WDR25: variants seen among roughly 807,000 people sequenced by gnomAD.
WDR25 encodes WD repeat domain 25.
WDR25 carries 35 observed loss-of-function variants against 47.7 expected under a neutral mutation model. The observed-to-expected ratio is 0.73, with a 90% CI of 0.56 to 0.97. WDR25 has a LOEUF of 0.97. Among genes scored for constraint, WDR25 ranks in the 50% least tolerant of loss-of-function variants. The pLI, the probability that WDR25 is intolerant of heterozygous loss-of-function variation, is 0.00. For synonymous variants in WDR25, 248 were observed against 278.9 expected (o/e 0.89, Z 1.10); for missense variants, 634 against 704.7 (o/e 0.90, Z 1.14).
intron 2 of WDR25, among the ~76,000 whole-genome samples, chr14:100,451,039 A>G (rs920329612): frequency 6.6e-6 from 1 of 152,176 alleles, no homozygotes; most frequent in African/African-American, 2.4e-5. Flanking sequence ...GGGAGACTAG[A>G]GGTGCCCAAG....
chr14:100,521,272 T>C (rs997374955), intron 4 of WDR25, among the ~76,000 whole-genome samples: 5 of 152,154 alleles, frequency 3.3e-5, no homozygotes, highest in Admixed American at 3.3e-4. Context: ...AAACCTAAAA[T>C]ATTTACTGAC....
chr14:100,508,655 T>C (rs1373402353), intron 4 of WDR25, among the ~76,000 whole-genome samples: 1 of 152,212 alleles, frequency 6.6e-6, no homozygotes, highest in Non-Finnish European at 1.5e-5. Flanking sequence ...TGAATAGAAA[T>C]TGTGAAAATG....
intron 2 of WDR25, among the ~76,000 whole-genome samples, chr14:100,417,534 G>T (rs1388803210): frequency 6.6e-6 from 1 of 152,158 alleles, no homozygotes; most frequent in Non-Finnish European, 1.5e-5. Flanking sequence ...TTCCCTGGTG[G>T]CTCCCCTTTC....
intron 2 of WDR25, among the ~76,000 whole-genome samples, chr14:100,438,159 T>C (rs1174816115): frequency 6.6e-6 from 1 of 152,244 alleles, no homozygotes; most frequent in East Asian, 1.9e-4. Flanking sequence ...CCAAGTCTTG[T>C]AATGAAGTGT....
chr14:100,519,211 G>A (rs573252689), intron 4 of WDR25, among the ~76,000 whole-genome samples: 11 of 151,486 alleles, frequency 7.3e-5, no homozygotes, highest in African/African-American at 2.4e-4. Context: ...TCAGGTAGTT[G>A]CTTTTAAAAT....
intron 4 of WDR25, among the ~76,000 whole-genome samples, chr14:100,497,356 G>T (rs1170250287): frequency 6.6e-6 from 1 of 152,078 alleles, no homozygotes; most frequent in Non-Finnish European, 1.5e-5. Flanking sequence ...GTGAATTTGT[G>T]TATTTTTCTC....
intron 4 of WDR25, among the ~76,000 whole-genome samples, chr14:100,501,625 G>C (rs766590512): frequency 6.6e-6 from 1 of 152,218 alleles, no homozygotes; most frequent in Non-Finnish European, 1.5e-5. Flanking sequence ...TGGACACTCA[G>C]GATGTGGGGG....
In WDR25 at chr14:100,491,272, C is replaced by T. The variant is rs1025310297; in HGVS notation, c.1101+7148C>T. Among the ~76,000 whole-genome samples the T allele has an allele frequency of 2.0e-5, 3 of 152,210 alleles. No individual in the cohort carries two copies. In the East Asian group the frequency reaches 5.8e-4, roughly 29 times the overall value. ...CAGTTACACACCACAAGCACACGGC[C>T]AGTTGGTAGTGGGGCAAGACTGTGA... On this transcript the variant is annotated intron_variant, in intron 4 of 6. Coordinates refer to ENST00000402312, the MANE Select transcript of WDR25 (RefSeq NM_001161476.3).
At chr14:100,480,293 A>C (rs1200656550) in intron 3 of WDR25, among the ~76,000 whole-genome samples, 1 of 152,256 alleles carries the variant, frequency 6.6e-6, no homozygotes, top group Non-Finnish European at 1.5e-5. Flanking sequence ...TTGTGCTGAC[A>C]CAAGAGTGAC....
intron 4 of WDR25, among the ~76,000 whole-genome samples, chr14:100,492,595 T>G (rs188503225): frequency 6.6e-6 from 1 of 152,364 alleles, no homozygotes; most frequent in East Asian, 1.9e-4. Flanking sequence ...TAATTCTAAT[T>G]TATAAATCTT....
rs1042156962 is a variant in WDR25 at position 100,498,922 on chromosome 14, G to A, written c.1101+14798G>A. On this transcript the variant is annotated intron_variant, in intron 4 of 6. Transcript: ENST00000402312. The surrounding 1 kb of genome is among the most constrained non-coding windows in gnomAD (Gnocchi z 4.2). Reference sequence around the variant, plus strand: ...CTTGGCCTGAGTGGGGCTGTGAGCCGATGAGAGGGCTTGTCGTGGGGTCCC... The same window carrying A: ...CTTGGCCTGAGTGGGGCTGTGAGCCAATGAGAGGGCTTGTCGTGGGGTCCC... 5.9e-5 allele frequency among the ~76,000 whole-genome samples: 9 copies of A among 152,188 alleles called. No homozygotes were observed. The highest frequency in any genetic ancestry group is 1.9e-4 in the East Asian group (1 of 5,192).
At chr14:100,476,474 A>T (rs948709584) in intron 3 of WDR25, 1 of 152,252 alleles carries the variant, frequency 6.6e-6, no homozygotes. Flanking sequence ...ACAAGCCAAC[A>T]GCATAAGCTT....
chr14:100,525,685 A>T lies in WDR25; in HGVS notation c.1102-185A>T, dbSNP rs901905309. On this transcript the variant is annotated intron_variant, in intron 4 of 6. Coordinates refer to ENST00000402312, the MANE Select transcript of WDR25 (RefSeq NM_001161476.3). This position sits in a 1 kb window ranked among gnomAD's most constrained non-coding sequence, Gnocchi z 4.6. ...GGGCTGAGAAGCTGACAGACACTGG[A>T]CTGGGCATGGGGCAGGAGGGTCCAT... Among the ~76,000 whole-genome samples the T allele has an allele frequency of 1.3e-5, 2 of 152,102 alleles. No individual in the cohort carries two copies. Among genetic ancestry groups the T allele is most frequent in the Non-Finnish European group, 2.9e-5 (2 of 68,014 alleles).
rs567379250 is a variant in WDR25, at chr14:100,497,741, T to A, written c.1101+13617T>A. On this transcript the variant is annotated intron_variant, in intron 4 of 6. Coordinates refer to ENST00000402312, the MANE Select transcript of WDR25 (RefSeq NM_001161476.3). ...CCCTTGAATTTCCCTTCTTTTTGGC[T>A]AAATGTCACCTGTCCTCCAACTCTC... 2.6e-5 allele frequency among the ~76,000 whole-genome samples: 4 copies of A among 152,354 alleles called. No homozygotes were observed. In the South Asian group the frequency reaches 8.3e-4, roughly 32 times the overall value.
chr14:100,382,657 C>T (rs544603677), intron 2 of WDR25, among the ~76,000 whole-genome samples: 13 of 152,358 alleles, frequency 8.5e-5, no homozygotes, highest in Non-Finnish European at 1.8e-4. Context: ...GAGCTGTGCA[C>T]TGCATCCCTC....
chr14:100,384,202 T>C (rs1896968010), intron 2 of WDR25, among the ~76,000 whole-genome samples: 1 of 152,276 alleles, frequency 6.6e-6, no homozygotes, highest in South Asian at 2.1e-4. Context: ...TGGCATCTCC[T>C]GACCCTCTTT....
chr14:100,445,937 G>A (rs1297512644), intron 2 of WDR25, among the ~76,000 whole-genome samples: 2 of 152,224 alleles, frequency 1.3e-5, no homozygotes, highest in Non-Finnish European at 2.9e-5. Context: ...CACGGGGCGA[G>A]GCCCGGCCAT....
Position 100,461,000 on chromosome 14 carries a change from G to T in WDR25, c.823-7021G>T, listed in dbSNP as rs1482230750. The stretch of plus-strand genomic sequence containing the variant: ...AGCTGTAGCTGGAGGATCATTTGAG[G>T]CCAGGAGTTTGAGACCAGCTTGGGC... On this transcript the variant is annotated intron_variant, in intron 2 of 6. Transcript: ENST00000402312. 2.6e-5 allele frequency among the ~76,000 whole-genome samples: 4 copies of T among 152,260 alleles called. No individual in the cohort carries two copies. In the East Asian group the frequency reaches 5.8e-4, roughly 22 times the overall value.
chr14:100,442,359 A>G (rs544513502), intron 2 of WDR25, among the ~76,000 whole-genome samples: 17 of 152,300 alleles, frequency 1.1e-4, no homozygotes, highest in South Asian at 8.3e-4. Flanking sequence ...AGGGGTCTTC[A>G]CCCTGGGGGA....
Sources: gnomAD v4.1 joint callset for allele counts (sites outside exome capture counted in the v4.1 genomes callset) on GRCh38, gnomAD v4.1.1 for gene constraint, Gnocchi (gnomAD v3.1) non-coding constraint, MANE v1.5 for transcripts, NCBI Gene and HGNC (gene_info 2026-07-23, HGNC 2026-07-21) for gene names.